ULK4: variants seen among roughly 807,000 people sequenced by gnomAD.
ULK4 encodes unc-51 like kinase 4, also known as inactive serine/threonine-protein kinase ULK4.
In ULK4, 133 loss-of-function variants were observed where a neutral mutation model predicts 160.6. The observed-to-expected ratio is 0.83, with a 90% confidence interval of 0.72 to 0.96. ULK4 has a LOEUF of 0.96. ULK4 is among the 40% of genes least tolerant of loss of function. The pLI is 0.00. For missense variants in ULK4, 1,580 were observed against 1,499.5 expected (o/e 1.05, Z -0.89); for synonymous variants, 534 against 539.8 (o/e 0.99, Z 0.15).
At chr3:41,574,531 CTTTTTTTTTTTTTTTTT>C (rs568406782) in intron 31 of ULK4, among the ~76,000 whole-genome samples, 2 of 92,144 alleles carry the variant, frequency 2.2e-5, no homozygotes, top group Non-Finnish European at 4.4e-5. Context: ...CCAGAGTCCT[CTTTTTTTTTTTTTTTTT>C]TTTTTTTTTT....
intron 27 of ULK4, among the ~76,000 whole-genome samples, chr3:41,684,956 A>C (rs984498533): frequency 1.3e-5 from 2 of 152,064 alleles, no homozygotes; most frequent in Non-Finnish European, 1.5e-5. Context: ...GAAAATGGCT[A>C]CTCTAGTTTC....
At chr3:41,589,430 C>CAA (rs34913730) in intron 31 of ULK4, among the ~76,000 whole-genome samples, 10,593 of 71,902 alleles carry the variant, frequency 0.15, 959 homozygotes, top group African/African-American at 0.29. Flanking sequence ...AAGGCCAGGC[C>CAA]AAAAAAAAAA....
chr3:41,849,576 T>A (rs1400248708), intron 17 of ULK4, among the ~76,000 whole-genome samples: 1 of 152,166 alleles, frequency 6.6e-6, no homozygotes, highest in South Asian at 2.1e-4. Flanking sequence ...AGATAGATGT[T>A]TTAATACATT....
chr3:41,724,642 G>T (rs538422933), intron 22 of ULK4, among the ~76,000 whole-genome samples: 10 of 152,156 alleles, frequency 6.6e-5, no homozygotes, highest in Middle Eastern at 3.4e-3. Flanking sequence ...AGAATGGCGT[G>T]AACCCGGGAG....
rs370194576 is a variant in ULK4, at chr3:41,366,813, T to C, written c.3678+31266A>G. ...CTCTCTATGCTGGGAGGGTATTCAA[T>C]TTCAGTAGATCATCAGACCTGTGGT... On this transcript the variant is annotated intron_variant, in intron 35 of 36. Transcript: ENST00000301831. 8.5e-5 allele frequency among the ~76,000 whole-genome samples: 13 copies of C among 152,308 alleles called. No individual in the cohort carries two copies. The East Asian group carries it at 1.5e-3, about 18-fold the overall frequency.
chr3:41,962,000 C>T lies in ULK4; in HGVS notation c.-49+16G>A, dbSNP rs139310471. 7.5e-3 allele frequency: 1,142 copies of T among 152,504 alleles called. 13 individuals carry two copies. Among genetic ancestry groups the T allele is most frequent in the Middle Eastern group, 0.031 (9 of 294 alleles). 9.4% of individuals were successfully genotyped at this position (152,504 alleles called of 1,614,324 possible). A position where few individuals can be genotyped will look rare whatever the true frequency, so the allele number is the denominator to read the frequency against. Reference sequence around the variant, plus strand: ...AACTCAGACTCGTAGCTACTAAAACCGCCACTGCCACGCACCTGGTAGCTA... The same window carrying T: ...AACTCAGACTCGTAGCTACTAAAACTGCCACTGCCACGCACCTGGTAGCTA... On this transcript the variant is annotated intron_variant, in intron 1 of 36. Transcript: ENST00000301831.
At chr3:41,724,890 T>C (rs933273091) in intron 22 of ULK4, among the ~76,000 whole-genome samples, 11 of 152,236 alleles carry the variant, frequency 7.2e-5, no homozygotes, top group African/African-American at 2.2e-4. Flanking sequence ...CAGGTGTTAA[T>C]TGACCATCTG....
intron 34 of ULK4, among the ~76,000 whole-genome samples, chr3:41,435,951 C>CATAAATAAATAA (rs58982909): frequency 2.1e-4 from 32 of 150,354 alleles, no homozygotes; most frequent in African/African-American, 7.8e-4. Flanking sequence ...CCGTCTCATT[C>CATAAATAAATAA]ATAAATAAAT....
At chr3:41,823,863 G>C (rs6768438) in intron 18 of ULK4, among the ~76,000 whole-genome samples, 1 of 151,926 alleles carries the variant, frequency 6.6e-6, no homozygotes, top group East Asian at 1.9e-4. Context: ...CTTGTATTCA[G>C]TTAAAGTATA....
intron 22 of ULK4, among the ~76,000 whole-genome samples, chr3:41,730,628 G>C (rs1237033893): frequency 6.6e-6 from 1 of 152,066 alleles, no homozygotes; most frequent in East Asian, 1.9e-4. Flanking sequence ...CGATAATAAA[G>C]TCTCCCATCA....
intron 35 of ULK4, among the ~76,000 whole-genome samples, chr3:41,251,746 A>C (rs1354595728): frequency 6.6e-6 from 1 of 152,242 alleles, no homozygotes; most frequent in African/African-American, 2.4e-5. Context: ...AGGAGCCTGC[A>C]ACCAGATCTC....
chr3:41,406,401 T>A (rs1376780308), intron 34 of ULK4, among the ~76,000 whole-genome samples: 1 of 152,252 alleles, frequency 6.6e-6, no homozygotes, highest in Non-Finnish European at 1.5e-5. Context: ...TTGGTTAATA[T>A]GATACTTCCA....
intron 22 of ULK4, among the ~76,000 whole-genome samples, chr3:41,743,927 GGAAAGTAGGGAAAATAAAAA>G (rs1356656265): frequency 2.6e-5 from 4 of 151,666 alleles, no homozygotes; most frequent in Non-Finnish European, 4.4e-5. Context: ...GATAGTAAAG[GGAAAGTAGGGAAAATAAAAA>G]GAAAGTAGGG....
chr3:41,611,583 C>T (rs2032679817), intron 31 of ULK4, among the ~76,000 whole-genome samples: 1 of 152,084 alleles, frequency 6.6e-6, no homozygotes, highest in African/African-American at 2.4e-5. Context: ...CAGAAACTCC[C>T]AGAATCGAGT....
At chr3:41,364,287 C>T (rs951543065) in intron 35 of ULK4, among the ~76,000 whole-genome samples, 1 of 152,126 alleles carries the variant, frequency 6.6e-6, no homozygotes, top group Non-Finnish European at 1.5e-5. Flanking sequence ...TCCGGAAGGG[C>T]TCACTCAATA....
chr3:41,677,000 G>A (rs2035744266), intron 29 of ULK4, among the ~76,000 whole-genome samples: 1 of 143,924 alleles, frequency 6.9e-6, no homozygotes. Flanking sequence ...CGACACCCCT[G>A]GGCTCAGGTG....
intron 31 of ULK4, among the ~76,000 whole-genome samples, chr3:41,574,179 CAAAA>C (rs1216824371): frequency 1.3e-5 from 2 of 152,028 alleles, no homozygotes; most frequent in East Asian, 1.9e-4. Context: ...AACTCCGTCT[CAAAA>C]AAACAAACAA....
At chr3:41,484,169 G>A (rs2125899576) in intron 32 of ULK4, among the ~76,000 whole-genome samples, 1 of 152,300 alleles carries the variant, frequency 6.6e-6, no homozygotes, top group South Asian at 2.1e-4. Context: ...AGCATCAGGT[G>A]ATGGACCGGG....
At chr3:41,653,090 A>C (rs1010977372) in intron 30 of ULK4, among the ~76,000 whole-genome samples, 2 of 152,088 alleles carry the variant, frequency 1.3e-5, no homozygotes, top group African/African-American at 4.8e-5. Flanking sequence ...TAATTCCTAG[A>C]GACAGCAAAG....
Sources: allele counts gnomAD v4.1 joint callset (sites outside exome capture counted in the v4.1 genomes callset), GRCh38; gene constraint gnomAD v4.1.1; transcripts MANE v1.5; gene names NCBI Gene and HGNC (gene_info 2026-07-23, HGNC 2026-07-21).